The following KCNMB2 variants were observed in gnomAD, a reference collection of about 807,000 sequenced individuals.
KCNMB2 encodes the protein calcium-activated potassium channel subunit beta-2.
KCNMB2 carries 9 observed loss-of-function variants against 24.5 expected under a neutral mutation model. The observed-to-expected ratio is 0.37, with a 90% confidence interval of 0.22 to 0.64. The LOEUF (loss-of-function observed/expected upper bound fraction) is 0.64. Ranked by LOEUF, KCNMB2 falls within the 30% of genes least tolerant of loss-of-function variation. The probability of loss-of-function intolerance (pLI) is 0.63; values close to 1 mark genes in which losing one functional copy is unlikely to be tolerated. For missense variants in KCNMB2, 226 were observed against 284.3 expected, an observed-to-expected ratio of 0.79 and a Z score of 1.47; for synonymous variants, 109 against 104.4, an observed-to-expected ratio of 1.04 and a Z score of -0.27.
intron 1 of KCNMB2, among the ~76,000 whole-genome samples, chr3:178,680,706 T>G (rs1314748792): frequency 6.6e-6 from 1 of 152,150 alleles, no homozygotes; most frequent in Non-Finnish European, 1.5e-5. Flanking sequence ...GCTCTCCTGG[T>G]TTTGCTCACT....
intron 1 of KCNMB2, among the ~76,000 whole-genome samples, chr3:178,796,592 A>G (rs1713552672): frequency 6.6e-6 from 1 of 152,220 alleles, no homozygotes; most frequent in Non-Finnish European, 1.5e-5. Context: ...GAAATCAATA[A>G]CAAGAGGAAT....
At chr3:178,800,536 A>G (rs1713734097) in intron 1 of KCNMB2, among the ~76,000 whole-genome samples, 1 of 152,114 alleles carries the variant, frequency 6.6e-6, no homozygotes, top group Non-Finnish European at 1.5e-5. Flanking sequence ...AACAAATGCT[A>G]GTGAGGATGT....
At chr3:178,678,960 T>C (rs1482606214) in intron 1 of KCNMB2, among the ~76,000 whole-genome samples, 1 of 150,364 alleles carries the variant, frequency 6.7e-6, no homozygotes, top group Non-Finnish European at 1.5e-5. Flanking sequence ...GTACCCTTCT[T>C]AACATTTAAT....
At chr3:178,689,407 G>T (rs1182914925) in intron 1 of KCNMB2, among the ~76,000 whole-genome samples, 3 of 152,090 alleles carry the variant, frequency 2.0e-5, no homozygotes, top group Non-Finnish European at 4.4e-5. Flanking sequence ...AGGCTGAGAT[G>T]GGGGGATCAC....
At chr3:178,738,908 A>T (rs1228563697) in intron 1 of KCNMB2, among the ~76,000 whole-genome samples, 1 of 151,298 alleles carries the variant, frequency 6.6e-6, no homozygotes, top group Non-Finnish European at 1.5e-5. Context: ...CGTCTAGTCC[A>T]TGATGTGCCT....
chr3:178,572,325 G>A (rs1387838272), intron 1 of KCNMB2, among the ~76,000 whole-genome samples: 1 of 152,158 alleles, frequency 6.6e-6, no homozygotes, highest in African/African-American at 2.4e-5. Context: ...CTATTTAACA[G>A]AGTAGCTAAG....
chr3:178,762,896 G>A (rs958021799), intron 1 of KCNMB2, among the ~76,000 whole-genome samples: 2 of 151,264 alleles, frequency 1.3e-5, no homozygotes, highest in Non-Finnish European at 2.9e-5. Flanking sequence ...AGTAATCAGA[G>A]TCCTGTTGGG....
intron 1 of KCNMB2, among the ~76,000 whole-genome samples, chr3:178,785,582 T>C (rs1286704943): frequency 6.6e-6 from 1 of 151,984 alleles, no homozygotes; most frequent in Admixed American, 6.6e-5. Context: ...AAAAGCACAA[T>C]AGTGGTTATC....
At chr3:178,781,285 G>A (rs1055125945) in intron 1 of KCNMB2, among the ~76,000 whole-genome samples, 27 of 152,086 alleles carry the variant, frequency 1.8e-4, no homozygotes, top group African/African-American at 6.3e-4. Flanking sequence ...TTACAGCAAA[G>A]GGGACCAAAT....
chr3:178,599,200 C>A (rs1043939869), intron 1 of KCNMB2, among the ~76,000 whole-genome samples: 1 of 152,092 alleles, frequency 6.6e-6, no homozygotes, highest in Non-Finnish European at 1.5e-5. Context: ...GGAGTTTCTG[C>A]AAAGGTTGTA....
intron 1 of KCNMB2, among the ~76,000 whole-genome samples, chr3:178,618,846 T>C (rs1577053175): frequency 6.6e-6 from 1 of 152,376 alleles, no homozygotes; most frequent in East Asian, 1.9e-4. Context: ...TTTTATGGTG[T>C]ATGTTCTATG....
intron 1 of KCNMB2, among the ~76,000 whole-genome samples, chr3:178,677,427 G>A (rs1414359488): frequency 2.6e-5 from 4 of 152,190 alleles, no homozygotes; most frequent in African/African-American, 9.7e-5. Context: ...ACACAGATAA[G>A]CCTGGGCACG....
At chr3:178,792,913 C>T (rs1713382051) in intron 1 of KCNMB2, among the ~76,000 whole-genome samples, 1 of 152,240 alleles carries the variant, frequency 6.6e-6, no homozygotes, top group African/African-American at 2.4e-5. Flanking sequence ...TGTCTGAGCA[C>T]TGGGCACACC....
intron 1 of KCNMB2, among the ~76,000 whole-genome samples, chr3:178,803,811 A>G (rs943514095): frequency 2.0e-5 from 3 of 152,156 alleles, no homozygotes; most frequent in African/African-American, 7.2e-5. Context: ...GGCAGAAGGA[A>G]TGGCCGAACT....
chr3:178,841,933 T>C (rs1161846114), intron 4 of KCNMB2, among the ~76,000 whole-genome samples: 1 of 151,944 alleles, frequency 6.6e-6, no homozygotes, highest in Non-Finnish European at 1.5e-5. Context: ...CTCAGGTGAG[T>C]GGTGATTAAA....
chr3:178,826,838 C>T (rs947979416), intron 3 of KCNMB2, among the ~76,000 whole-genome samples: 4 of 152,168 alleles, frequency 2.6e-5, no homozygotes, highest in Non-Finnish European at 4.4e-5. Context: ...TCTCTGATGG[C>T]CTTCAGCTGT....
chr3:178,728,896 C>G (rs895678554), intron 1 of KCNMB2, among the ~76,000 whole-genome samples: 1 of 152,140 alleles, frequency 6.6e-6, no homozygotes, highest in African/African-American at 2.4e-5. Flanking sequence ...TCATTTTTCT[C>G]CAAACTTACT....
rs184507344 is a variant in KCNMB2 at position 178,558,261 on chromosome 3, A to G, written c.-68+21550A>G. On this transcript the variant is annotated intron_variant, in intron 1 of 4. Transcript: ENST00000452583. ...TGCCACACTCAATACATTGTTTGAA[A>G]TCCAATGAAAGGCAAAAGGAAAACT... Among the ~76,000 whole-genome samples the G allele has an allele frequency of 1.4e-3, 210 of 152,326 alleles. 1 individual carries two copies. Among genetic ancestry groups the G allele is most frequent in the African/African-American group, 4.8e-3 (200 of 41,576 alleles).
At chr3:178,666,546 T>G (rs1720724643) in intron 1 of KCNMB2, among the ~76,000 whole-genome samples, 1 of 152,150 alleles carries the variant, frequency 6.6e-6, no homozygotes, top group Non-Finnish European at 1.5e-5. Flanking sequence ...CTAAAATTAT[T>G]TAAATCAGTA....
Sources: gnomAD v4.1 joint callset for allele counts (sites outside exome capture counted in the v4.1 genomes callset) on GRCh38, gnomAD v4.1.1 for gene constraint, MANE v1.5 for transcripts, NCBI Gene and HGNC (gene_info 2026-07-23, HGNC 2026-07-21) for gene names.